FARP1: variants seen among roughly 807,000 people sequenced by gnomAD.
FARP1 encodes FERM, ARH/RhoGEF and pleckstrin domain protein 1.
Under a neutral mutation model 128.8 loss-of-function variants are expected in FARP1, and 52 were observed. The ratio of observed to expected loss-of-function variants is 0.40; its 90% CI spans 0.32 to 0.51. The LOEUF (loss-of-function observed/expected upper bound fraction) is 0.51. Ranked by LOEUF, FARP1 falls within the 20% of genes least tolerant of loss-of-function variation. The pLI, the probability that FARP1 is intolerant of heterozygous loss-of-function variation, is 0.45. For missense variants in FARP1, 1,333 were observed against 1,367.9 expected (o/e 0.97, Z 0.40); for synonymous variants, 580 against 551.8 (o/e 1.05, Z -0.72).
At chr13:98,378,052 C>A in intron 6 of FARP1, 134 bp downstream of exon 6, 1 of 662,722 alleles carries the variant, frequency 1.5e-6, no homozygotes. Context: ...GTATGAAGGC[C>A]TACGGGTGGA....
intron 12 of FARP1, among the ~76,000 whole-genome samples, chr13:98,394,636 A>T (rs1347772022): frequency 1.3e-5 from 2 of 152,090 alleles, no homozygotes; most frequent in Admixed American, 1.3e-4. Flanking sequence ...CAGTCTCTAT[A>T]AAAAAATTTA....
intron 2 of FARP1, among the ~76,000 whole-genome samples, chr13:98,301,802 G>A (rs1157991628): frequency 6.6e-6 from 1 of 152,154 alleles, no homozygotes; most frequent in African/African-American, 2.4e-5. Flanking sequence ...ACACGTACTC[G>A]GTGGTGTATG....
intron 5 of FARP1, among the ~76,000 whole-genome samples, chr13:98,369,520 C>T (rs1202840759): frequency 1.3e-5 from 2 of 151,958 alleles, no homozygotes; most frequent in African/African-American, 4.8e-5. Flanking sequence ...CCCCGCTCCC[C>T]CCACCCCACA....
At chr13:98,430,515 G>A (rs977247724) in intron 17 of FARP1, among the ~76,000 whole-genome samples, 1 of 152,196 alleles carries the variant, frequency 6.6e-6, no homozygotes, top group Non-Finnish European at 1.5e-5. Flanking sequence ...CTCCAGGAGA[G>A]TCAGGGCGCT....
At chr13:98,204,867 G>C (rs1880171876) in intron 1 of FARP1, among the ~76,000 whole-genome samples, 2 of 152,226 alleles carry the variant, frequency 1.3e-5, no homozygotes, top group Admixed American at 1.3e-4. Flanking sequence ...AGGATCGCTT[G>C]AGCCCAGGAG....
In FARP1 at chr13:98,353,786, G is replaced by A. The variant is rs922437728; in HGVS notation, c.276+9920G>A. On this transcript the variant is annotated intron_variant, in intron 3 of 26. Transcript: ENST00000319562. ...TAAGCAAATGATAGTTTAAAGGGTT[G>A]TATAGCATTTTATCTATAGTTAACA... Among the ~76,000 whole-genome samples, 82 of 152,200 alleles carry A rather than the reference G, an allele frequency of 5.4e-4. 1 individual carries two copies. Among genetic ancestry groups the A allele is most frequent in the Non-Finnish European group, 1.2e-4 (8 of 68,034 alleles).
chr13:98,388,446 C>T lies in FARP1; in HGVS notation c.823C>T (p.Arg275Cys), dbSNP rs748243026. Residue 275 changes from arginine (R) to cysteine (C), a missense_variant, in exon 9 of 27, where the codon CGC (arginine) becomes TGC (cysteine). Coordinates refer to ENST00000319562, the MANE Select transcript of FARP1 (RefSeq NM_005766.4). ...KVRKLSFKRK[R>C]FLIKLRPDAN... is the part of the protein sequence containing the mutation. ...GCGGAAGCTGAGCTTCAAGAGGAAG[C>T]GCTTTCTCATCAAGCTCCGGCCAGA... The T allele has an allele frequency of 4.3e-5, 70 of 1,613,856 alleles. No individual in the cohort carries two copies. The highest frequency in any genetic ancestry group is 8.0e-5 in the African/African-American group (6 of 74,932).
intron 1 of FARP1, among the ~76,000 whole-genome samples, chr13:98,196,742 A>T (rs1028731031): frequency 6.6e-6 from 1 of 152,192 alleles, no homozygotes; most frequent in African/African-American, 2.4e-5. Flanking sequence ...CCCTTTCAGC[A>T]ATCTGCAGCA....
chr13:98,299,581 A>G (rs141485177), intron 2 of FARP1, among the ~76,000 whole-genome samples: 2 of 152,364 alleles, frequency 1.3e-5, no homozygotes, highest in East Asian at 1.9e-4. Flanking sequence ...TAGGAAAAAT[A>G]TTAGTAAAGA....
intron 1 of FARP1, chr13:98,208,736 G>GGTGT (rs1235170603): frequency 6.5e-6 from 1 of 152,726 alleles, no homozygotes; most frequent in Non-Finnish European, 1.5e-5. Context: ...TTCGATGGAA[G>GGTGT]GACACGCCCT....
chr13:98,405,948 C>T (rs1890955194), intron 13 of FARP1: 1 of 152,202 alleles, frequency 6.6e-6, no homozygotes, highest in African/African-American at 2.4e-5. Context: ...CTTTATAATG[C>T]CATATAAATC....
At chr13:98,199,673 A>G (rs770994470) in intron 1 of FARP1, among the ~76,000 whole-genome samples, 75 of 152,210 alleles carry the variant, frequency 4.9e-4, no homozygotes, top group Non-Finnish European at 8.8e-4. Context: ...GACTTTCCTT[A>G]GTGAGTGGAA....
chr13:98,374,819 A>G (rs993330273), intron 5 of FARP1, among the ~76,000 whole-genome samples: 7 of 152,172 alleles, frequency 4.6e-5, no homozygotes, highest in African/African-American at 1.7e-4. Flanking sequence ...GGCTGCTTCC[A>G]CTCGTGGTAG....
intron 1 of FARP1, chr13:98,177,051 C>T: frequency 6.3e-7 from 1 of 1,594,276 alleles, no homozygotes; most frequent in Non-Finnish European, 8.5e-7. Flanking sequence ...GCCTCGGTGC[C>T]ACCCGCGGGG....
At chr13:98,198,739 A>G (rs1485138775) in intron 1 of FARP1, among the ~76,000 whole-genome samples, 1 of 151,442 alleles carries the variant, frequency 6.6e-6, no homozygotes, top group Admixed American at 6.6e-5. Context: ...TTAGCTGGGC[A>G]CGGTGGCACA....
chr13:98,406,354 A>G (rs1156917889), intron 13 of FARP1: 1 of 152,198 alleles, frequency 6.6e-6, no homozygotes, highest in Non-Finnish European at 1.5e-5. Flanking sequence ...ATGCAGCTCA[A>G]ATTAGCAAAA....
rs552352929 is a variant in FARP1 at position 98,379,059 on chromosome 13, A to AAT, written c.496+1147_496+1148dup. The stretch of plus-strand genomic sequence containing the variant: ...TATATACAATATGTAATCTATATAT[A>AAT]ATATATAATATATGTAATATGTAAT... On this transcript the variant is annotated intron_variant, in intron 6 of 26. Transcript: ENST00000319562. Among the ~76,000 whole-genome samples, 10 of 70,192 alleles carry AAT rather than the reference A, an allele frequency of 1.4e-4. 3 individuals are homozygous for AAT. In the East Asian group the frequency reaches 2.2e-3, roughly 15 times the overall value. The allele number at this position is 70,192 out of a possible 152,430, so 46.0% of individuals were successfully genotyped here. A position where few individuals can be genotyped will look rare whatever the true frequency, so the allele number is the denominator to read the frequency against.
At chr13:98,148,076 T>A (rs1186048727) in intron 1 of FARP1, among the ~76,000 whole-genome samples, 1 of 27,614 alleles carries the variant, frequency 3.6e-5, no homozygotes, top group Non-Finnish European at 3.5e-4. Flanking sequence ...AAGACAGAGG[T>A]TCCTTTTCAA....
At chr13:98,186,067 A>G (rs1878846207) in intron 1 of FARP1, among the ~76,000 whole-genome samples, 1 of 151,990 alleles carries the variant, frequency 6.6e-6, no homozygotes, top group Non-Finnish European at 1.5e-5. Context: ...TTATTGTGCC[A>G]CCATCACCAT....
Sources: allele counts gnomAD v4.1 joint callset (sites outside exome capture counted in the v4.1 genomes callset), GRCh38; gene constraint gnomAD v4.1.1; transcripts MANE v1.5; gene names NCBI Gene and HGNC (gene_info 2026-07-23, HGNC 2026-07-21).